CADPS2: variants seen among roughly 807,000 people sequenced by gnomAD.
CADPS2 encodes the protein calcium-dependent secretion activator 2.
A neutral mutation model predicts 172.5 loss-of-function variants in CADPS2; 93 were observed. The observed-to-expected ratio is 0.54, with a 90% CI of 0.46 to 0.64. The LOEUF (loss-of-function observed/expected upper bound fraction) is 0.64. Ranked by LOEUF, CADPS2 falls within the 30% of genes least tolerant of loss-of-function variation. CADPS2 has a pLI of 0.00. For synonymous variants in CADPS2, 546 were observed against 555.2 expected (o/e 0.98, Z 0.23); for missense variants, 1,420 against 1,565.9 (o/e 0.91, Z 1.57).
intron 6 of CADPS2, among the ~76,000 whole-genome samples, chr7:122,596,813 T>C (rs61692498): frequency 0.21 from 31,962 of 151,974 alleles, 3,582 homozygotes; most frequent in East Asian, 0.38. Flanking sequence ...GGTTCCTTTA[T>C]AGCAACACAA....
In CADPS2 at chr7:122,833,015, T is replaced by C. The variant is rs965507083; in HGVS notation, c.339+52984A>G. 5.3e-5 allele frequency among the ~76,000 whole-genome samples: 8 copies of C among 152,324 alleles called. No individual in the cohort carries two copies. In the South Asian group the frequency reaches 8.3e-4, roughly 16 times the overall value. ...ATGGCATTCTAACATCTATTTCCTA[T>C]GAAAAATTGTGAGAAACAATCATCT... On this transcript the variant is annotated intron_variant, in intron 1 of 29. Transcript: ENST00000449022.
At chr7:122,668,234 G>T (rs148341774) in intron 2 of CADPS2, among the ~76,000 whole-genome samples, 79 of 108,730 alleles carry the variant, frequency 7.3e-4, no homozygotes, top group Admixed American at 3.9e-3. Context: ...AGGGAAAATT[G>T]GAAAATTCCA....
intron 20 of CADPS2, among the ~76,000 whole-genome samples, chr7:122,393,802 A>C (rs1212304157): frequency 2.0e-5 from 3 of 152,158 alleles, no homozygotes; most frequent in Non-Finnish European, 4.4e-5. Flanking sequence ...ACACAAATAG[A>C]TTATATCTCT....
At chr7:122,728,692 G>C (rs2091343764) in intron 2 of CADPS2, among the ~76,000 whole-genome samples, 1 of 151,692 alleles carries the variant, frequency 6.6e-6, no homozygotes, top group Non-Finnish European at 1.5e-5. Context: ...TTGTGCAACT[G>C]GAGGGAGCTT....
intron 20 of CADPS2, among the ~76,000 whole-genome samples, chr7:122,401,334 C>T (rs569936905): frequency 2.0e-5 from 3 of 152,254 alleles, no homozygotes; most frequent in Non-Finnish European, 2.9e-5. Flanking sequence ...GAAGCAGCAC[C>T]GTGGTATTTT....
chr7:122,601,191 T>G (rs542722093), intron 6 of CADPS2, among the ~76,000 whole-genome samples: 1 of 152,204 alleles, frequency 6.6e-6, no homozygotes, highest in South Asian at 2.1e-4. Flanking sequence ...ATTCATGATT[T>G]TTTTTCACAC....
At chr7:122,346,519 T>C (rs1408968430) in intron 27 of CADPS2, among the ~76,000 whole-genome samples, 2 of 152,206 alleles carry the variant, frequency 1.3e-5, no homozygotes, top group Non-Finnish European at 2.9e-5. Context: ...GGGGAAAATA[T>C]TTACTATATT....
intron 1 of CADPS2, among the ~76,000 whole-genome samples, chr7:122,804,653 C>T (rs982074117): frequency 3.3e-5 from 5 of 152,148 alleles, no homozygotes; most frequent in African/African-American, 1.2e-4. Context: ...CAATTATACT[C>T]AATATTGTGA....
chr7:122,452,051 T>C (rs966955759), intron 14 of CADPS2, among the ~76,000 whole-genome samples: 32 of 151,924 alleles, frequency 2.1e-4, no homozygotes, highest in Admixed American at 6.6e-4. Context: ...CTTTTCAAGA[T>C]TTTTGTGTTT....
At chr7:122,621,102 A>C (rs1296062922) in intron 5 of CADPS2, among the ~76,000 whole-genome samples, 1 of 151,762 alleles carries the variant, frequency 6.6e-6, no homozygotes, top group African/African-American at 2.4e-5. Context: ...GGGTCTCACT[A>C]TGTTGCCTAG....
chr7:122,756,009 C>G (rs2093144301), intron 1 of CADPS2, among the ~76,000 whole-genome samples: 1 of 152,178 alleles, frequency 6.6e-6, no homozygotes, highest in African/African-American at 2.4e-5. Context: ...ATCAGAACAT[C>G]ATTTGTTATT....
intron 1 of CADPS2, among the ~76,000 whole-genome samples, chr7:122,742,256 G>A (rs1370743984): frequency 1.3e-5 from 2 of 151,920 alleles, no homozygotes; most frequent in Admixed American, 6.6e-5. Context: ...TTAGCCGGGT[G>A]TGGTGGCATG....
At chr7:122,584,591 T>C (rs919269996) in intron 6 of CADPS2, among the ~76,000 whole-genome samples, 2 of 152,016 alleles carry the variant, frequency 1.3e-5, no homozygotes, top group South Asian at 2.1e-4. Flanking sequence ...GCTACATTAT[T>C]CTAATTTATC....
Position 122,820,684 on chromosome 7 carries a change from C to T in CADPS2, c.339+65315G>A, listed in dbSNP as rs1489467710. On this transcript the variant is annotated intron_variant, in intron 1 of 29. Transcript: ENST00000449022. Reference sequence around the variant, plus strand: ...ACGCCATTCTCCTGCCTCAGCCTCCCGAGTAGCTGGGACTACAGGCGCCCG... The same window carrying T: ...ACGCCATTCTCCTGCCTCAGCCTCCTGAGTAGCTGGGACTACAGGCGCCCG... Among the ~76,000 whole-genome samples, 12 of 132,454 alleles carry T rather than the reference C, an allele frequency of 9.1e-5. 2 individuals carry two copies. The East Asian group carries it at 1.6e-3, about 18-fold the overall frequency. 86.9% of individuals were successfully genotyped at this position (132,454 alleles called of 152,430 possible). A position where few individuals can be genotyped will look rare whatever the true frequency, so the allele number is the denominator to read the frequency against.
intron 1 of CADPS2, among the ~76,000 whole-genome samples, chr7:122,742,188 C>T (rs541715712): frequency 3.9e-5 from 6 of 151,920 alleles, no homozygotes; most frequent in South Asian, 4.2e-4. Flanking sequence ...GTCAGGAGTT[C>T]GAGACCAGCG....
At position 122,701,810 on chromosome 7, in the gene CADPS2, C is replaced by G; in HGVS notation, c.453+35145G>C. 3 of 1,464,824 alleles carry G rather than the reference C, an allele frequency of 2.0e-6. 1 individual carries two copies. The South Asian group carries it at 3.8e-5, about 18-fold the overall frequency. 90.7% of individuals were successfully genotyped at this position (1,464,824 alleles called of 1,614,324 possible). A position where few individuals can be genotyped will look rare whatever the true frequency, so the allele number is the denominator to read the frequency against. ...TGTATTTGGAAAGATCTGGTTACAT[C>G]TTCAGAAAATTCTCCAGATTTCTTA... On this transcript the variant is annotated intron_variant, in intron 2 of 29. Transcript: ENST00000449022.
At chr7:122,699,135 C>A in intron 2 of CADPS2, 1 of 513,768 alleles carries the variant, frequency 1.9e-6, no homozygotes, top group Non-Finnish European at 3.5e-6. Flanking sequence ...AAATCCCCTA[C>A]TGTTAACTCT....
chr7:122,480,980 T>C, intron 11 of CADPS2, 120 bp from the exon 12 acceptor site: 1 of 900,918 alleles, frequency 1.1e-6, no homozygotes, highest in Non-Finnish European at 1.6e-6. Flanking sequence ...TTTTAAAAGT[T>C]GTTTTTCTAA....
intron 7 of CADPS2, among the ~76,000 whole-genome samples, chr7:122,564,826 GAC>G (rs1303615818): frequency 2.3e-5 from 3 of 131,184 alleles, no homozygotes; most frequent in African/African-American, 8.9e-5. Flanking sequence ...TGTGTACACA[GAC>G]ACACACATAC....
Sources: allele counts gnomAD v4.1 joint callset (sites outside exome capture counted in the v4.1 genomes callset), GRCh38; gene constraint gnomAD v4.1.1; transcripts MANE v1.5; gene names NCBI Gene and HGNC (gene_info 2026-07-23, HGNC 2026-07-21).